Variants in GLI2 observed in about 807,000 individuals in gnomAD.
GLI2 encodes transcription activator GLI2.
GLI2 carries 22 observed loss-of-function variants against 78.9 expected under a neutral mutation model. The ratio of observed to expected loss-of-function variants is 0.28; its 90% confidence interval spans 0.20 to 0.40. The LOEUF is 0.40. GLI2 is among the 10% of genes least tolerant of loss of function. The probability of loss-of-function intolerance (pLI) is 1.00; values close to 1 mark genes in which losing one functional copy is unlikely to be tolerated. For missense variants in GLI2, 2,097 were observed against 2,213.2 expected, an observed-to-expected ratio of 0.95 and a Z score of 1.05; for synonymous variants, 974 against 963.7, an observed-to-expected ratio of 1.01 and a Z score of -0.20.
chr2:120,984,351 T>A, intron 11 of GLI2, 120 bp from the exon 12 acceptor site: 1 of 1,026,960 alleles, frequency 9.7e-7, no homozygotes, highest in Non-Finnish European at 1.5e-6. Context: ...CAGCACCTAC[T>A]GACGTTGCCA....
At chr2:120,878,270 C>T (rs186878680) in intron 2 of GLI2, among the ~76,000 whole-genome samples, 16 of 152,334 alleles carry the variant, frequency 1.1e-4, no homozygotes, top group African/African-American at 3.6e-4. Context: ...TTTCTCCTTA[C>T]GATACCACCG....
intron 2 of GLI2, among the ~76,000 whole-genome samples, chr2:120,865,753 C>T (rs1485853529): frequency 6.6e-6 from 1 of 152,234 alleles, no homozygotes; most frequent in Non-Finnish European, 1.5e-5. Context: ...TCAAGGGCTG[C>T]TGTATGCCGT....
intron 2 of GLI2, among the ~76,000 whole-genome samples, chr2:120,887,308 T>C (rs926560365): frequency 6.6e-6 from 1 of 152,220 alleles, no homozygotes; most frequent in African/African-American, 2.4e-5. Flanking sequence ...CCTGGGAATA[T>C]TCCCCCACAG....
intron 2 of GLI2, among the ~76,000 whole-genome samples, chr2:120,885,408 G>C (rs1325826806): frequency 6.6e-6 from 1 of 152,206 alleles, no homozygotes; most frequent in African/African-American, 2.4e-5. Context: ...GCTGGCCTCT[G>C]GGGAGGCTGC....
At chr2:120,873,965 G>A (rs6717470) in intron 2 of GLI2, among the ~76,000 whole-genome samples, 12,533 of 152,140 alleles carry the variant, frequency 0.082, 1,718 homozygotes, top group African/African-American at 0.28. Flanking sequence ...TCCCCATGTC[G>A]GGAACCTGCT....
chr2:120,905,860 C>T (rs1367697353), intron 2 of GLI2, among the ~76,000 whole-genome samples: 1 of 148,826 alleles, frequency 6.7e-6, no homozygotes, highest in African/African-American at 2.6e-5. Context: ...TGGGGGAGGG[C>T]TACACTGCCC....
intron 10 of GLI2, among the ~76,000 whole-genome samples, chr2:120,980,352 T>C (rs1212006122): frequency 6.6e-6 from 1 of 152,252 alleles, no homozygotes; most frequent in Admixed American, 6.5e-5. Flanking sequence ...TAGTATTTTA[T>C]TGTGTTTTTG....
intron 2 of GLI2, among the ~76,000 whole-genome samples, chr2:120,923,349 GAC>G (rs1679488879): frequency 1.3e-5 from 1 of 79,270 alleles, no homozygotes; most frequent in Non-Finnish European, 2.8e-5. Flanking sequence ...CACGGCAGCA[GAC>G]ACATACCACA....
chr2:120,848,152 TTGAA>T (rs1250056522), intron 2 of GLI2, among the ~76,000 whole-genome samples: 2 of 152,218 alleles, frequency 1.3e-5, no homozygotes, highest in Non-Finnish European at 2.9e-5. Context: ...AGCAAGCACT[TTGAA>T]TGCCTCTGGC....
intron 9 of GLI2, among the ~76,000 whole-genome samples, chr2:120,977,159 A>G (rs1027154172): frequency 2.6e-5 from 4 of 152,176 alleles, no homozygotes; most frequent in African/African-American, 9.7e-5. Flanking sequence ...CCAGTGCCTG[A>G]TGCTTGGCTC....
intron 2 of GLI2, among the ~76,000 whole-genome samples, chr2:120,907,458 G>A (rs62150753): frequency 2.0e-5 from 3 of 152,170 alleles, no homozygotes; most frequent in African/African-American, 7.2e-5. Context: ...ATGGCCTCTC[G>A]TAGGAAGATC....
chr2:120,917,623 C>T (rs1679165552), intron 2 of GLI2, among the ~76,000 whole-genome samples: 1 of 152,272 alleles, frequency 6.6e-6, no homozygotes, highest in South Asian at 2.1e-4. Flanking sequence ...TGCACTGCTG[C>T]TGCCTTGCAG....
chr2:120,886,213 TGTATA>T (rs578059198), intron 2 of GLI2, among the ~76,000 whole-genome samples: 1 of 66,324 alleles, frequency 1.5e-5, no homozygotes, highest in African/African-American at 6.7e-5. Context: ...TGTGTGTGCG[TGTATA>T]TTTTGGTTTT....
intron 3 of GLI2, among the ~76,000 whole-genome samples, chr2:120,933,411 G>A (rs1190212152): frequency 1.3e-5 from 2 of 152,160 alleles, no homozygotes; most frequent in Non-Finnish European, 2.9e-5. Context: ...AATGGGGCAG[G>A]GGTGTGTGAT....
At chr2:120,744,218 G>A (rs697698) in intron 1 of GLI2, among the ~76,000 whole-genome samples, 3,851 of 152,326 alleles carry the variant, frequency 0.025, 165 homozygotes, top group African/African-American at 0.088. Flanking sequence ...ATGACAGGTT[G>A]AAGGCACATC....
intron 1 of GLI2, among the ~76,000 whole-genome samples, chr2:120,787,808 GCTTCA>G (rs1317229375): frequency 5.8e-4 from 88 of 152,300 alleles, no homozygotes; most frequent in African/African-American, 2.0e-3. Context: ...GGACCTCTAG[GCTTCA>G]GGGCTCTCCA....
intron 3 of GLI2, among the ~76,000 whole-genome samples, chr2:120,944,843 G>A (rs773847342): frequency 8.5e-5 from 13 of 152,248 alleles, no homozygotes; most frequent in African/African-American, 2.7e-4. Flanking sequence ...CGTAGTAGGC[G>A]TTCTGCAAAT....
At chr2:120,843,439 A>T (rs934728505) in intron 2 of GLI2, among the ~76,000 whole-genome samples, 1 of 152,226 alleles carries the variant, frequency 6.6e-6, no homozygotes, top group Admixed American at 6.5e-5. Flanking sequence ...AGCTGTACCC[A>T]GTCTGTGTTT....
chr2:120,783,258 C>G (rs1683899578), intron 1 of GLI2, among the ~76,000 whole-genome samples: 2 of 152,070 alleles, frequency 1.3e-5, no homozygotes, highest in Non-Finnish European at 2.9e-5. Context: ...GGAGGGCTCT[C>G]TAGGAAGTCT....
Sources: gnomAD v4.1 joint callset for allele counts (sites outside exome capture counted in the v4.1 genomes callset) on GRCh38, gnomAD v4.1.1 for gene constraint, MANE v1.5 for transcripts, NCBI Gene and HGNC (gene_info 2026-07-23, HGNC 2026-07-21) for gene names.